Variants in ITPKB observed in about 807,000 individuals in gnomAD.
The protein encoded by ITPKB is inositol-trisphosphate 3-kinase B.
Under a neutral mutation model 69.4 loss-of-function variants are expected in ITPKB, and 13 were observed. The ratio of observed to expected loss-of-function variants is 0.19; its 90% confidence interval spans 0.12 to 0.30. The LOEUF (loss-of-function observed/expected upper bound fraction) is 0.30. ITPKB is among the 10% of genes least tolerant of loss of function. The pLI is 1.00. For synonymous variants in ITPKB, 584 were observed against 513.7 expected (o/e 1.14, Z -1.85); for missense variants, 1,240 against 1,250.5 (o/e 0.99, Z 0.13).
At chr1:226,695,987 C>G (rs1656475298) in intron 2 of ITPKB, among the ~76,000 whole-genome samples, 1 of 152,174 alleles carries the variant, frequency 6.6e-6, no homozygotes, top group Admixed American at 6.5e-5. Context: ...ACTAATTACT[C>G]CCAGCCCTCC....
At chr1:226,707,683 G>C (rs746523809) in intron 2 of ITPKB, 38 of 1,027,206 alleles carry the variant, frequency 3.7e-5, no homozygotes, top group Admixed American at 5.7e-5. Flanking sequence ...AGTCCCTCTT[G>C]AAAACTAAAG....
In ITPKB at chr1:226,642,140, A is replaced by G; in HGVS notation, c.2247-15T>C. On this transcript the variant is annotated splice_polypyrimidine_tract_variant and intron_variant, in intron 4 of 7. Transcript: ENST00000429204. This position sits in a 1 kb window ranked among gnomAD's most constrained non-coding sequence, Gnocchi z 6.4. ...CCAGGTAGGTCCTACGTGGGAGGGA[A>G]GGCGACATGAGGGCCGAGGCCTGGG... 1 of 1,605,742 alleles carries G rather than the reference A, an allele frequency of 6.2e-7. No individual in the cohort carries two copies. Among genetic ancestry groups the G allele is most frequent in the Non-Finnish European group, 8.5e-7 (1 of 1,175,202 alleles).
intron 2 of ITPKB, among the ~76,000 whole-genome samples, chr1:226,694,729 A>G (rs948802914): frequency 1.3e-5 from 2 of 152,166 alleles, no homozygotes; most frequent in Non-Finnish European, 2.9e-5. Flanking sequence ...TCTACCCACT[A>G]TGTGCCAGGA....
At chr1:226,658,591 T>C (rs868078917) in intron 2 of ITPKB, among the ~76,000 whole-genome samples, 1 of 152,282 alleles carries the variant, frequency 6.6e-6, no homozygotes, top group Middle Eastern at 3.4e-3. Context: ...TCCCCCTAAA[T>C]GCCAAATGCA....
intron 2 of ITPKB, among the ~76,000 whole-genome samples, chr1:226,675,502 A>T (rs1669714617): frequency 6.6e-6 from 1 of 152,108 alleles, no homozygotes; most frequent in Non-Finnish European, 1.5e-5. Context: ...ACTTGCAAGG[A>T]GCTGTGGGGA....
chr1:226,673,235 G>A (rs1319649184), intron 2 of ITPKB, among the ~76,000 whole-genome samples: 1 of 152,168 alleles, frequency 6.6e-6, no homozygotes, highest in East Asian at 1.9e-4. Flanking sequence ...TTAGCCAGGT[G>A]TGGTGGCGCG....
rs557073961 is a variant in ITPKB, at chr1:226,716,853, A to G, written c.1932+18674T>C. Among the ~76,000 whole-genome samples the G allele has an allele frequency of 9.2e-5, 14 of 152,344 alleles. No individual in the cohort carries two copies. In the South Asian group the frequency reaches 2.9e-3, roughly 32 times the overall value. On this transcript the variant is annotated intron_variant, in intron 2 of 7. Coordinates refer to ENST00000429204, the MANE Select transcript of ITPKB (RefSeq NM_002221.4). ...TCCATTCCCCAGGCTCAGGGAATACATGGGAAAATCCTCTGCCCATTTTCC... is the reference window on the plus strand; with the variant it reads ...TCCATTCCCCAGGCTCAGGGAATACGTGGGAAAATCCTCTGCCCATTTTCC...
At chr1:226,690,472 G>A (rs1436187807) in intron 2 of ITPKB, among the ~76,000 whole-genome samples, 1 of 152,132 alleles carries the variant, frequency 6.6e-6, no homozygotes, top group African/African-American at 2.4e-5. Context: ...CATCCCCACA[G>A]CAGCCTGCAG....
intron 7 of ITPKB, among the ~76,000 whole-genome samples, chr1:226,636,744 C>CTGCA (rs1668843898): frequency 7.0e-6 from 1 of 143,052 alleles, no homozygotes; most frequent in Admixed American, 7.1e-5. Flanking sequence ...AGCCCCAGGA[C>CTGCA]TGCAGCTCTG....
In ITPKB at chr1:226,637,444, C is replaced by A. The variant is rs1033516274; in HGVS notation, c.2625+235G>T. 2.6e-5 allele frequency among the ~76,000 whole-genome samples: 4 copies of A among 152,174 alleles called. No homozygotes were observed. The highest frequency in any genetic ancestry group is 3.2e-3 in the Middle Eastern group (1 of 316). On this transcript the variant is annotated intron_variant, in intron 7 of 7. Coordinates refer to ENST00000429204, the MANE Select transcript of ITPKB (RefSeq NM_002221.4). The surrounding 1 kb of genome is among the most constrained non-coding windows in gnomAD (Gnocchi z 4.3). ...GGACAAGACTCTGGAGCTGGAAGGA[C>A]AAGGGAGGAGAAAGGGGGCAATAGC...
chr1:226,734,450 A>G (rs866508035), intron 2 of ITPKB, among the ~76,000 whole-genome samples: 5 of 152,236 alleles, frequency 3.3e-5, no homozygotes, highest in African/African-American at 1.2e-4. Context: ...GGTACAGTGA[A>G]GAGTATTTGA....
At chr1:226,672,005 C>A (rs1669627692) in intron 2 of ITPKB, among the ~76,000 whole-genome samples, 1 of 152,170 alleles carries the variant, frequency 6.6e-6, no homozygotes, top group African/African-American at 2.4e-5. Context: ...CTAAAAGGCT[C>A]ACGCTGCTTC....
intron 2 of ITPKB, among the ~76,000 whole-genome samples, chr1:226,706,689 C>T (rs569891155): frequency 6.6e-6 from 1 of 152,330 alleles, no homozygotes; most frequent in Non-Finnish European, 1.5e-5. Context: ...AATTATATGT[C>T]ACCTTCTAAA....
intron 2 of ITPKB, among the ~76,000 whole-genome samples, chr1:226,652,601 C>T (rs1006270236): frequency 1.3e-4 from 20 of 152,378 alleles, no homozygotes; most frequent in African/African-American, 4.8e-4. Flanking sequence ...GGTCTCCAGC[C>T]TCTCAAGCCC....
At chr1:226,716,061 T>C (rs546324501) in intron 2 of ITPKB, among the ~76,000 whole-genome samples, 1 of 152,338 alleles carries the variant, frequency 6.6e-6, no homozygotes, top group Non-Finnish European at 1.5e-5. Context: ...TCTGCCCACC[T>C]CGGCCTCCCA....
At chr1:226,670,349 C>T (rs1669590942) in intron 2 of ITPKB, among the ~76,000 whole-genome samples, 1 of 152,052 alleles carries the variant, frequency 6.6e-6, no homozygotes, top group Admixed American at 6.6e-5. Flanking sequence ...AATGTTTCAA[C>T]CTTTCAGTTA....
rs773730694 is a variant in ITPKB, at chr1:226,735,781, C to T, written c.1678G>A (p.Ala560Thr). The T allele has an allele frequency of 1.1e-5, 18 of 1,601,678 alleles. No individual in the cohort carries two copies. The highest frequency in any genetic ancestry group is 8.4e-5 in the Admixed American group (5 of 59,590). The change falls in exon 2 of 8, where the codon GCC (alanine) becomes ACC (threonine). Residue 560 changes from alanine to threonine, a missense_variant. This residue lies in a region of ITPKB where 992 missense variants were observed against 853.8 expected (regional missense o/e 1.16). Transcript: ENST00000429204. ...QDPDKPFLRKACSPSNIPAVI... is the reference protein window; with the variant it reads ...QDPDKPFLRKTCSPSNIPAVI... ...GCAGGTATGTTGCTGGGGCTGCAGG[C>T]CTTCCTCAGGAAAGGCTTGTCCGGA...
chr1:226,691,387 C>T (rs573506969), intron 2 of ITPKB, among the ~76,000 whole-genome samples: 13 of 152,106 alleles, frequency 8.5e-5, no homozygotes, highest in Non-Finnish European at 1.8e-4. Context: ...AGGCAGGAGC[C>T]GTGCTGGGGT....
At chr1:226,722,288 C>T (rs1169028136) in intron 2 of ITPKB, among the ~76,000 whole-genome samples, 1 of 152,190 alleles carries the variant, frequency 6.6e-6, no homozygotes, top group African/African-American at 2.4e-5. Context: ...TCCTAGGAGA[C>T]TCTCCTGCCT....
Sources: gnomAD v4.1 joint callset for allele counts (sites outside exome capture counted in the v4.1 genomes callset) on GRCh38, gnomAD v4.1.1 for gene constraint, gnomAD v4.1.1 regional missense constraint, Gnocchi (gnomAD v3.1) non-coding constraint, MANE v1.5 for transcripts, NCBI Gene and HGNC (gene_info 2026-07-23, HGNC 2026-07-21) for gene names.